The following SLC25A48 variants were observed in gnomAD, a reference collection of about 807,000 sequenced individuals.
SLC25A48 encodes the protein solute carrier family 25 member 48.
In SLC25A48, 29 loss-of-function variants were observed where a neutral mutation model predicts 32.2. The observed-to-expected ratio is 0.90, with a 90% confidence interval of 0.67 to 1.23. The LOEUF is 1.23. Ranked by LOEUF, SLC25A48 falls within the 50% of genes most tolerant of loss-of-function variation. The pLI, the probability that SLC25A48 is intolerant of heterozygous loss-of-function variation, is 0.00. For synonymous variants in SLC25A48, 164 were observed against 172.3 expected, an observed-to-expected ratio of 0.95 and a Z score of 0.38; for missense variants, 399 against 422.7, an observed-to-expected ratio of 0.94 and a Z score of 0.49.
At position 135,607,041 on chromosome 5, in the gene SLC25A48, T is replaced by C. The variant is rs1477237939; in HGVS notation, c.-848-22196T>C. 2.6e-5 allele frequency among the ~76,000 whole-genome samples: 4 copies of C among 152,310 alleles called. 1 individual carries two copies. The East Asian group carries it at 7.7e-4, about 29-fold the overall frequency. ...CTCAAGAACTCTTACCCAGGGGACTTGGCCTAGACCTCAGGACCTCTCAGT... is the reference window on the plus strand; with the variant it reads ...CTCAAGAACTCTTACCCAGGGGACTCGGCCTAGACCTCAGGACCTCTCAGT... On this transcript the variant is annotated intron_variant, in intron 1 of 10. Transcript: ENST00000646290.
chr5:135,788,316 G>T (rs11744496), intron 3 of SLC25A48, among the ~76,000 whole-genome samples: 54,928 of 149,988 alleles, frequency 0.37, 11,929 homozygotes, highest in Non-Finnish European at 0.49. Flanking sequence ...GTAATATCCG[G>T]GGGGAGAGAG....
At chr5:135,816,753 C>T (rs1403270075) in intron 4 of SLC25A48, among the ~76,000 whole-genome samples, 1 of 152,098 alleles carries the variant, frequency 6.6e-6, no homozygotes, top group East Asian at 1.9e-4. Context: ...AAATAAGAAA[C>T]CACTATTTAA....
chr5:135,705,122 A>G (rs533363141), intron 3 of SLC25A48, among the ~76,000 whole-genome samples: 1 of 152,352 alleles, frequency 6.6e-6, no homozygotes, highest in African/African-American at 2.4e-5. Flanking sequence ...CCCTGTTGAC[A>G]TAACCCCCGT....
At chr5:135,710,309 C>A (rs1016121424) in intron 3 of SLC25A48, among the ~76,000 whole-genome samples, 2 of 152,204 alleles carry the variant, frequency 1.3e-5, no homozygotes, top group Non-Finnish European at 2.9e-5. Context: ...TCATTGGGAA[C>A]CTAGAGCAGA....
intron 3 of SLC25A48, among the ~76,000 whole-genome samples, chr5:135,775,885 G>A (rs768029160): frequency 2.0e-5 from 3 of 151,104 alleles, no homozygotes; most frequent in African/African-American, 4.9e-5. Flanking sequence ...GGGGAGGGGG[G>A]AGATGATGGT....
intron 3 of SLC25A48, among the ~76,000 whole-genome samples, chr5:135,788,929 G>A (rs1180103628): frequency 2.0e-5 from 3 of 151,300 alleles, no homozygotes; most frequent in Non-Finnish European, 4.4e-5. Context: ...TAATATCCGG[G>A]GGGAAGAGGG....
chr5:135,744,759 C>T (rs1755599419), intron 3 of SLC25A48, among the ~76,000 whole-genome samples: 1 of 152,052 alleles, frequency 6.6e-6, no homozygotes, highest in South Asian at 2.1e-4. Context: ...GATTCTCCCC[C>T]TTGGCTGGGT....
intron 3 of SLC25A48, among the ~76,000 whole-genome samples, chr5:135,699,999 C>T (rs185237399): frequency 1.1e-3 from 169 of 152,298 alleles, no homozygotes; most frequent in African/African-American, 3.8e-3. Flanking sequence ...GGCCTGAAGC[C>T]TTATTCCCTT....
chr5:135,797,993 T>C (rs1382458876), intron 3 of SLC25A48, among the ~76,000 whole-genome samples: 1 of 151,874 alleles, frequency 6.6e-6, no homozygotes, highest in African/African-American at 2.4e-5. Flanking sequence ...GAAAGGATGA[T>C]ATTACACCCA....
intron 1 of SLC25A48, 111 bp from the exon 2 acceptor site, chr5:135,842,305 C>A: frequency 2.7e-6 from 3 of 1,117,442 alleles, no homozygotes; most frequent in East Asian, 2.3e-5. Flanking sequence ...ACTCCCCCTA[C>A]CCCAGCAATT....
chr5:135,650,403 T>C, intron 3 of SLC25A48: 1 of 456,146 alleles, frequency 2.2e-6, no homozygotes, highest in Non-Finnish European at 4.4e-6. Flanking sequence ...TGATTGAGGA[T>C]GATGCTTCCT....
intron 3 of SLC25A48, among the ~76,000 whole-genome samples, chr5:135,673,734 C>CT (rs1353497059): frequency 2.0e-5 from 3 of 151,928 alleles, no homozygotes; most frequent in African/African-American, 7.2e-5. Context: ...ATTTATTGTG[C>CT]TTTTTTGTTT....
At chr5:135,621,724 G>A (rs1731199476) in intron 1 of SLC25A48, among the ~76,000 whole-genome samples, 1 of 152,046 alleles carries the variant, frequency 6.6e-6, no homozygotes, top group Non-Finnish European at 1.5e-5. Flanking sequence ...TCACTATATC[G>A]GTGTTTTTCA....
chr5:135,853,957 TAGC>T (rs1760103357), intron 4 of SLC25A48, among the ~76,000 whole-genome samples: 1 of 152,230 alleles, frequency 6.6e-6, no homozygotes, highest in African/African-American at 2.4e-5. Flanking sequence ...GATGCTGTGT[TAGC>T]AGGCCTGGAA....
intron 3 of SLC25A48, among the ~76,000 whole-genome samples, chr5:135,744,244 A>AT (rs1361943293): frequency 9.9e-5 from 15 of 152,212 alleles, no homozygotes; most frequent in Non-Finnish European, 1.8e-4. Flanking sequence ...GGCCACAGAC[A>AT]TTTCTGTGTT....
intron 1 of SLC25A48, among the ~76,000 whole-genome samples, chr5:135,586,673 A>G (rs1204700788): frequency 2.0e-5 from 3 of 152,216 alleles, no homozygotes; most frequent in Non-Finnish European, 2.9e-5. Flanking sequence ...GGCAGAGACA[A>G]CAGCTTAAAC....
chr5:135,696,421 A>C (rs1754268115), intron 3 of SLC25A48, among the ~76,000 whole-genome samples: 1 of 152,250 alleles, frequency 6.6e-6, no homozygotes, highest in Non-Finnish European at 1.5e-5. Context: ...CCAGATACAC[A>C]GTAGGTGTGA....
chr5:135,681,643 C>A (rs1312869668), intron 3 of SLC25A48, among the ~76,000 whole-genome samples: 1 of 152,138 alleles, frequency 6.6e-6, no homozygotes, highest in Admixed American at 6.5e-5. Flanking sequence ...GTTGATTTTA[C>A]TGTGTTGTAT....
At chr5:135,840,524 T>G (rs1451438273) in intron 1 of SLC25A48, among the ~76,000 whole-genome samples, 3 of 152,232 alleles carry the variant, frequency 2.0e-5, no homozygotes, top group Non-Finnish European at 2.9e-5. Flanking sequence ...CAAAACATTT[T>G]TCTCATGACC....
Sources: allele counts gnomAD v4.1 joint callset (sites outside exome capture counted in the v4.1 genomes callset), GRCh38; gene constraint gnomAD v4.1.1; transcripts MANE v1.5; gene names NCBI Gene and HGNC (gene_info 2026-07-23, HGNC 2026-07-21).